The following B4GALT1 variants were observed in gnomAD, a reference collection of about 807,000 sequenced individuals.
The protein encoded by B4GALT1 is beta-1,4-galactosyltransferase 1.
Under a neutral mutation model 34.9 loss-of-function variants are expected in B4GALT1, and 16 were observed. The observed-to-expected ratio is 0.46, with a 90% confidence interval of 0.31 to 0.70. The LOEUF is 0.70. B4GALT1 is among the 30% of genes least tolerant of loss of function. The probability of loss-of-function intolerance (pLI) is 0.05; values close to 1 mark genes in which losing one functional copy is unlikely to be tolerated. For synonymous variants in B4GALT1, 221 were observed against 218.1 expected, an observed-to-expected ratio of 1.01 and a Z score of -0.12; for missense variants, 445 against 530.5, an observed-to-expected ratio of 0.84 and a Z score of 1.58.
At chr9:33,171,435 A>C (rs922475913), upstream of B4GALT1, among the ~76,000 whole-genome samples, 3 of 152,258 alleles carry the variant, frequency 2.0e-5, no homozygotes, top group Admixed American at 1.3e-4. Context: ...CATTTCAAAA[A>C]TACAGAAGAT....
downstream of B4GALT1, among the ~76,000 whole-genome samples, chr9:33,109,899 GTTTT>G (rs941837801): frequency 6.6e-6 from 1 of 151,814 alleles, no homozygotes; most frequent in African/African-American, 2.4e-5. Context: ...AAAGAAACAG[GTTTT>G]TTTTTGTTTG....
intron 2 of B4GALT1, among the ~76,000 whole-genome samples, chr9:33,124,600 C>T (rs1218333316): frequency 6.6e-6 from 1 of 152,206 alleles, no homozygotes; most frequent in East Asian, 1.9e-4. Flanking sequence ...AGCACCACCG[C>T]ACTCCAACCT....
chr9:33,139,502 C>T (rs1418192506), intron 1 of B4GALT1, among the ~76,000 whole-genome samples: 1 of 152,210 alleles, frequency 6.6e-6, no homozygotes, highest in Non-Finnish European at 1.5e-5. Context: ...TTGCAGCTCA[C>T]ACCTTTGAGA....
At chr9:33,144,384 G>A (rs925782928) in intron 1 of B4GALT1, among the ~76,000 whole-genome samples, 20 of 152,192 alleles carry the variant, frequency 1.3e-4, no homozygotes, top group African/African-American at 4.6e-4. Flanking sequence ...ACAGGCATGT[G>A]CCACCACACC....
intron 1 of B4GALT1, among the ~76,000 whole-genome samples, chr9:33,164,696 GAGA>G (rs1840722563): frequency 6.6e-6 from 1 of 152,216 alleles, no homozygotes; most frequent in African/African-American, 2.4e-5. Context: ...ACGCTTCTGA[GAGA>G]AGATGTGATA....
At chr9:33,127,637 C>T (rs574823319) in intron 2 of B4GALT1, among the ~76,000 whole-genome samples, 6 of 152,134 alleles carry the variant, frequency 3.9e-5, no homozygotes, top group Admixed American at 3.9e-4. Flanking sequence ...TTGGACATTA[C>T]CTAAGGGACT....
the B4GALT1 span, among the ~76,000 whole-genome samples, chr9:33,183,751 G>T: frequency 1.3e-5 from 2 of 150,912 alleles, no homozygotes; most frequent in African/African-American, 4.9e-5. Context: ...CCTGCACAAT[G>T]TGCACATGTA....
intron 1 of B4GALT1, among the ~76,000 whole-genome samples, chr9:33,148,706 A>G (rs1418822221): frequency 6.6e-6 from 1 of 152,164 alleles, no homozygotes; most frequent in African/African-American, 2.4e-5. Context: ...ATGATTCTCT[A>G]CTAAAAGGAA....
chr9:33,128,045 G>A (rs951518513), intron 2 of B4GALT1, among the ~76,000 whole-genome samples: 2 of 152,148 alleles, frequency 1.3e-5, no homozygotes, highest in African/African-American at 4.8e-5. Context: ...CCAGGGTGGT[G>A]GTGGCAGCGG....
chr9:33,145,461 C>T (rs1160151262), intron 1 of B4GALT1, among the ~76,000 whole-genome samples: 1 of 152,142 alleles, frequency 6.6e-6, no homozygotes, highest in African/African-American at 2.4e-5. Flanking sequence ...AGGATGCTCT[C>T]GCCAAGGGTA....
chr9:33,135,216 C>T lies in B4GALT1; in HGVS notation c.621G>A (p.Leu207=), dbSNP rs145241128. ...GGTTGATAACATAGATGCCATAGTC[C>T]AGCTGCTGGCGCTGCAGGACTGGGT... The part of the protein sequence containing the change: ...YLHPVLQRQQ[L]DYGIYVINQA... The change falls in exon 2 of 6, where the codon CTG becomes CTA. Residue 207 remains leucine (L), a synonymous_variant. Transcript: ENST00000379731. The T allele has an allele frequency of 6.5e-5, 105 of 1,614,180 alleles. 2 individuals carry two copies. The Middle Eastern group carries it at 9.7e-3, about 150-fold the overall frequency.
intron 1 of B4GALT1, among the ~76,000 whole-genome samples, chr9:33,165,168 A>G (rs945649498): frequency 3.9e-5 from 6 of 151,978 alleles, no homozygotes; most frequent in African/African-American, 1.2e-4. Flanking sequence ...GTGTTTCACC[A>G]TATTGGCCAG....
Position 33,113,491 on chromosome 9 carries a change from T to C in B4GALT1, c.1160A>G (p.Tyr387Cys). The C allele has an allele frequency of 6.2e-7, 1 of 1,614,214 alleles. No homozygotes were observed. Among genetic ancestry groups the C allele is most frequent in the Non-Finnish European group, 8.5e-7 (1 of 1,180,038 alleles). The change falls in exon 6 of 6, where the codon TAT becomes TGT. Residue 387 changes from tyrosine to cysteine, a missense_variant. By Grantham distance (194) the Tyr-to-Cys change is radical (BLOSUM62 -2). Transcript: ENST00000379731. ...CCCGATGTCCACTGTGATTTGGGTA[T>C]ACAATGGGTATCTCTGTACATCCAG... is the stretch of plus-strand genomic sequence containing the variant. ...QVLDVQRYPL[Y>C]TQITVDIGTP...
intron 1 of B4GALT1, among the ~76,000 whole-genome samples, chr9:33,147,658 A>G (rs1279015438): frequency 6.6e-6 from 1 of 152,248 alleles, no homozygotes; most frequent in African/African-American, 2.4e-5. Context: ...AACATATGGA[A>G]GAACAAAGGG....
chr9:33,126,471 G>T (rs1163587742), intron 2 of B4GALT1, among the ~76,000 whole-genome samples: 1 of 152,100 alleles, frequency 6.6e-6, no homozygotes. Flanking sequence ...GGGGAGACAG[G>T]GTCTCGCCAT....
intron 5 of B4GALT1, 79 bp downstream of exon 5, chr9:33,113,695 C>A (rs1839898003): frequency 6.2e-7 from 1 of 1,607,124 alleles, no homozygotes; most frequent in South Asian, 1.1e-5. Flanking sequence ...ACCTCAATTT[C>A]CCTCTAGGCC....
chr9:33,172,295 C>T (rs1748114043), upstream of B4GALT1, among the ~76,000 whole-genome samples: 1 of 152,022 alleles, frequency 6.6e-6, no homozygotes, highest in Non-Finnish European at 1.5e-5. Context: ...TAGTAAGTAA[C>T]TGGTGGAAGG....
At chr9:33,164,943 T>A (rs2118332894) in intron 1 of B4GALT1, among the ~76,000 whole-genome samples, 1 of 151,436 alleles carries the variant, frequency 6.6e-6, no homozygotes, top group African/African-American at 2.4e-5. Context: ...TACTATATTA[T>A]TATTATACGG....
At chr9:33,166,533 T>A (rs748080445) in intron 1 of B4GALT1, among the ~76,000 whole-genome samples, 1 of 152,204 alleles carries the variant, frequency 6.6e-6, no homozygotes, top group African/African-American at 2.4e-5. Context: ...GGGACTTCCC[T>A]GTGCGGTCCC....
Sources: gnomAD v4.1 joint callset for allele counts (sites outside exome capture counted in the v4.1 genomes callset) on GRCh38, gnomAD v4.1.1 for gene constraint, MANE v1.5 for transcripts, NCBI Gene and HGNC (gene_info 2026-07-23, HGNC 2026-07-21) for gene names.